CLOCK: variants seen among roughly 807,000 people sequenced by gnomAD.
The protein encoded by CLOCK is clock circadian regulator.
Under a neutral mutation model 118.4 loss-of-function variants are expected in CLOCK, and 43 were observed. The ratio of observed to expected loss-of-function variants is 0.36; its 90% CI spans 0.28 to 0.47. The LOEUF is 0.47. CLOCK is among the 20% of genes least tolerant of loss of function. CLOCK has a pLI of 1.00. For synonymous variants in CLOCK, 326 were observed against 339.2 expected, an observed-to-expected ratio of 0.96 and a Z score of 0.43; for missense variants, 846 against 999.9, an observed-to-expected ratio of 0.85 and a Z score of 2.08.
intron 8 of CLOCK, 72 bp downstream of exon 8, chr4:55,470,645 A>C (rs773966417): frequency 1.0e-5 from 11 of 1,075,320 alleles, no homozygotes; most frequent in African/African-American, 1.6e-5. Context: ...CTCAAAGTCC[A>C]CTTCCCAGTG....
intron 7 of CLOCK, among the ~76,000 whole-genome samples, chr4:55,474,808 A>G (rs1410873833): frequency 6.6e-6 from 1 of 152,196 alleles, no homozygotes; most frequent in East Asian, 1.9e-4. Context: ...CACTGTTGAG[A>G]CCTACTGGTC....
intron 3 of CLOCK, chr4:55,486,397 G>A (rs372447862): frequency 9.9e-5 from 15 of 152,126 alleles, no homozygotes; most frequent in African/African-American, 3.4e-4. Flanking sequence ...ACTAACCTGA[G>A]GACAAGCTGT....
rs902209114 is a variant in CLOCK, at chr4:55,546,868, G to C, written c.-376C>G. 2.0e-5 allele frequency: 3 copies of C among 152,106 alleles called. No individual in the cohort carries two copies. Among genetic ancestry groups the C allele is most frequent in the Non-Finnish European group, 2.9e-5 (2 of 68,022 alleles). 9.4% of individuals were successfully genotyped at this position (152,106 alleles called of 1,614,324 possible). A position where few individuals can be genotyped will look rare whatever the true frequency, so the allele number is the denominator to read the frequency against. ...TTTTTTAAACCGGCAGCCGCAAGCC[G>C]AGTCCGTGATTGCGCCCCCTCCCGG... is the stretch of plus-strand genomic sequence containing the variant. On this transcript the variant is annotated 5_prime_UTR_variant, in exon 1 of 23. Transcript: ENST00000513440.
chr4:55,452,835 A>G (rs767679970), intron 15 of CLOCK: 2 of 426,658 alleles, frequency 4.7e-6, no homozygotes, highest in Non-Finnish European at 8.4e-6. Context: ...AATAAATGGT[A>G]GTTTTGAGAT....
At position 55,430,970 on chromosome 4, in the gene CLOCK, G is replaced by A. The variant is rs538883364; in HGVS notation, c.*4445C>T. On this transcript the variant is annotated 3_prime_UTR_variant, in exon 23 of 23. Coordinates refer to ENST00000513440, the MANE Select transcript of CLOCK (RefSeq NM_004898.4). ...GAAATCACTCCCATAAACCAACTAC[G>A]GTTCACTGGACCTAAACATTTCTCA... is the stretch of plus-strand genomic sequence containing the variant. The A allele has an allele frequency of 8.5e-5, 13 of 152,200 alleles. No individual in the cohort carries two copies. The highest frequency in any genetic ancestry group is 3.1e-4 in the African/African-American group (13 of 41,534). The allele number at this position is 152,200 out of a possible 1,614,324, so 9.4% of individuals were successfully genotyped here.
intron 1 of CLOCK, among the ~76,000 whole-genome samples, chr4:55,521,382 C>A (rs1306949527): frequency 6.6e-6 from 1 of 152,194 alleles, no homozygotes; most frequent in Non-Finnish European, 1.5e-5. Context: ...TCACGCCTGG[C>A]TAATTTTTTG....
intron 11 of CLOCK, 84 bp downstream of exon 11, chr4:55,458,808 C>A: frequency 1.1e-6 from 1 of 892,456 alleles, no homozygotes; most frequent in East Asian, 2.5e-5. Context: ...CATAGCCATT[C>A]CACCTCAATG....
intron 2 of CLOCK, among the ~76,000 whole-genome samples, chr4:55,507,238 C>T (rs1484685721): frequency 6.6e-6 from 1 of 152,060 alleles, no homozygotes; most frequent in African/African-American, 2.4e-5. Context: ...TCGCTTGAGC[C>T]TGGGAGATGC....
At chr4:55,545,687 G>A (rs1731568019) in intron 1 of CLOCK, 1 of 152,150 alleles carries the variant, frequency 6.6e-6, no homozygotes, top group Non-Finnish European at 1.5e-5. Flanking sequence ...CCATCAACAA[G>A]AGGACCTCTA....
At chr4:55,486,937 CCT>C (rs1341578245) in intron 3 of CLOCK, among the ~76,000 whole-genome samples, 13 of 152,210 alleles carry the variant, frequency 8.5e-5, no homozygotes, top group Admixed American at 6.5e-4. Flanking sequence ...TTGTTTTTCC[CCT>C]CTGTTTCCTC....
chr4:55,546,325 T>C (rs557039039), intron 1 of CLOCK, among the ~76,000 whole-genome samples: 8 of 151,956 alleles, frequency 5.3e-5, no homozygotes, highest in African/African-American at 1.7e-4. Flanking sequence ...AGAGGGCCTC[T>C]CAGGCAGGGC....
At chr4:55,520,652 T>C (rs189737809) in intron 1 of CLOCK, among the ~76,000 whole-genome samples, 1 of 152,290 alleles carries the variant, frequency 6.6e-6, no homozygotes, top group East Asian at 1.9e-4. Flanking sequence ...TAAGGTTCAG[T>C]TCTAAGGAAA....
At chr4:55,491,484 A>C (rs752097107) in intron 2 of CLOCK, among the ~76,000 whole-genome samples, 7 of 151,882 alleles carry the variant, frequency 4.6e-5, no homozygotes, top group Non-Finnish European at 8.8e-5. Context: ...TCAGAAATAA[A>C]AGGAGAAATT....
chr4:55,449,403 C>T lies in CLOCK; in HGVS notation c.1442G>A (p.Ser481Asn). Residue 481 changes from serine (S) to asparagine (N), a missense_variant, in exon 17 of 23, where the codon AGT becomes AAT. Around this residue, in one of 4 missense-constraint regions of CLOCK, gnomAD observed 520 missense variants for 558.0 expected, o/e 0.93. Transcript: ENST00000513440. Reference protein sequence around the residue: ...EKMVQRRSSFSSQSINSQSVG... With the variant: ...EKMVQRRSSFNSQSINSQSVG... ...ATCCACTAAAGAGCTTACCTGACTA[C>T]TAAATGATGACCTTCTTTGCACCAT... 6.2e-7 allele frequency: 1 copy of T among 1,613,450 alleles called. No homozygotes were observed. The highest frequency in any genetic ancestry group is 8.5e-7 in the Non-Finnish European group (1 of 1,179,462).
At position 55,443,790 on chromosome 4, in the gene CLOCK, T is replaced by C; in HGVS notation, c.1799A>G (p.Gln600Arg). Residue 600 changes from glutamine to arginine, a missense_variant, in exon 20 of 23, where the codon CAA becomes CGA. By Grantham distance (43) the Gln-to-Arg change is conservative. Transcript: ENST00000513440. ...QQLAPINMQGQVVPTNQIQSG... is the reference protein window; with the variant it reads ...QQLAPINMQGRVVPTNQIQSG... The stretch of plus-strand genomic sequence containing the variant: ...TTGAATCTGGTTAGTAGGAACAACT[T>C]GGCCTTGCATATTTATAGGTGCAAG... 1.2e-6 allele frequency: 2 copies of C among 1,614,122 alleles called. No individual in the cohort carries two copies. Among genetic ancestry groups the C allele is most frequent in the Non-Finnish European group, 1.7e-6 (2 of 1,179,962 alleles).
intron 1 of CLOCK, among the ~76,000 whole-genome samples, chr4:55,545,164 ATTAACTCGTCG>A (rs1731532546): frequency 6.6e-6 from 1 of 151,744 alleles, no homozygotes; most frequent in African/African-American, 2.4e-5. Flanking sequence ...TGCTGCACCC[ATTAACTCGTCG>A]TTTACATTAG....
At chr4:55,480,761 G>C (rs1017295950) in intron 4 of CLOCK, among the ~76,000 whole-genome samples, 1 of 151,886 alleles carries the variant, frequency 6.6e-6, no homozygotes, top group African/African-American at 2.4e-5. Context: ...CGTGGTGATG[G>C]GCAACTGTAG....
At position 55,455,882 on chromosome 4, in the gene CLOCK, T is replaced by TTAAA. The variant is rs781003259; in HGVS notation, c.982+11_982+14dup. 3.2e-6 allele frequency: 5 copies of TTAAA among 1,552,932 alleles called. No individual in the cohort carries two copies. The Admixed American group carries it at 6.7e-5, about 21-fold the overall frequency. ...AAAACAGTTATTATCACCAGAAATG[T>TTAAA]TAAAATCTACTTACAGTGCTCATGA... On this transcript the variant is annotated intron_variant, in intron 13 of 22. Transcript: ENST00000513440.
intron 1 of CLOCK, among the ~76,000 whole-genome samples, chr4:55,516,556 T>C (rs866345432): frequency 3.2e-4 from 49 of 152,342 alleles, no homozygotes; most frequent in African/African-American, 1.2e-3. Flanking sequence ...ATTGTATTTT[T>C]CTCCATCCAT....
Sources: gnomAD v4.1 joint callset for allele counts (sites outside exome capture counted in the v4.1 genomes callset) on GRCh38, gnomAD v4.1.1 for gene constraint, gnomAD v4.1.1 regional missense constraint, MANE v1.5 for transcripts, NCBI Gene and HGNC (gene_info 2026-07-23, HGNC 2026-07-21) for gene names.